SLC1A1: variants seen among roughly 807,000 people sequenced by gnomAD.
SLC1A1 encodes the protein excitatory amino acid transporter 3.
In SLC1A1, 43 loss-of-function variants were observed where a neutral mutation model predicts 53.3. The ratio of observed to expected loss-of-function variants is 0.81; its 90% confidence interval spans 0.63 to 1.04. The LOEUF (loss-of-function observed/expected upper bound fraction) is 1.04, where lower values mean the gene tolerates loss of function less well. Among genes scored for constraint, SLC1A1 ranks in the 50% least tolerant of loss-of-function variants. The pLI is 0.00. For synonymous variants in SLC1A1, 307 were observed against 243.2 expected, an observed-to-expected ratio of 1.26 and a Z score of -2.44; for missense variants, 748 against 664.9, an observed-to-expected ratio of 1.12 and a Z score of -1.37.
At chr9:4,544,740 G>A in intron 2 of SLC1A1, 33 bp downstream of exon 2, 1 of 1,574,552 alleles carries the variant, frequency 6.4e-7, no homozygotes, top group South Asian at 1.1e-5. Flanking sequence ...CTCTATATTA[G>A]TCCATTTTCA....
chr9:4,536,618 T>G (rs1816684403), intron 1 of SLC1A1, among the ~76,000 whole-genome samples: 1 of 152,192 alleles, frequency 6.6e-6, no homozygotes. Context: ...GTTCAACCAT[T>G]GTGGAAGTCA....
At position 4,538,522 on chromosome 9, in the gene SLC1A1, C is replaced by G. The variant is rs908898709; in HGVS notation, c.92-6045C>G. ...GGGGCTCCAAGATTTATTTTCCTTT[C>G]ACAGCTGCAATATATAAGGAAAAAT... On this transcript the variant is annotated intron_variant, in intron 1 of 11. Transcript: ENST00000262352. Among the ~76,000 whole-genome samples the G allele has an allele frequency of 2.2e-4, 33 of 152,132 alleles. 1 individual carries two copies. The highest frequency in any genetic ancestry group is 2.6e-4 in the Admixed American group (4 of 15,264).
chr9:4,494,089 C>T (rs573598440), intron 1 of SLC1A1, among the ~76,000 whole-genome samples: 33 of 152,338 alleles, frequency 2.2e-4, no homozygotes, highest in Middle Eastern at 3.4e-3. Context: ...GGAAAATCCT[C>T]TGCTAAAATA....
chr9:4,511,495 A>T (rs529293940), intron 1 of SLC1A1, among the ~76,000 whole-genome samples: 1 of 152,220 alleles, frequency 6.6e-6, no homozygotes, highest in African/African-American at 2.4e-5. Flanking sequence ...TTGAAGGAGG[A>T]CATACACATT....
At chr9:4,577,459 G>T (rs572558123) in intron 10 of SLC1A1, among the ~76,000 whole-genome samples, 2 of 152,252 alleles carry the variant, frequency 1.3e-5, no homozygotes, top group African/African-American at 4.8e-5. Context: ...TCATATTATG[G>T]ACAGATTTGC....
intron 1 of SLC1A1, among the ~76,000 whole-genome samples, chr9:4,519,869 G>A: frequency 6.6e-6 from 1 of 152,184 alleles, no homozygotes; most frequent in Non-Finnish European, 1.5e-5. Context: ...GTCCTCCACA[G>A]AGCTTAGCAA....
At chr9:4,505,619 T>C (rs1258837147) in intron 1 of SLC1A1, among the ~76,000 whole-genome samples, 1 of 152,202 alleles carries the variant, frequency 6.6e-6, no homozygotes, top group East Asian at 1.9e-4. Flanking sequence ...GAGGAAGACA[T>C]TTTTAATTAC....
At chr9:4,528,224 G>A (rs1051213050) in intron 1 of SLC1A1, among the ~76,000 whole-genome samples, 1 of 152,132 alleles carries the variant, frequency 6.6e-6, no homozygotes, top group Non-Finnish European at 1.5e-5. Context: ...CTTCTCACAA[G>A]AAGATACTTC....
intron 2 of SLC1A1, among the ~76,000 whole-genome samples, chr9:4,554,719 A>AT (rs1023246701): frequency 1.3e-5 from 2 of 152,068 alleles, no homozygotes; most frequent in Non-Finnish European, 2.9e-5. Context: ...CAAGGTAAGG[A>AT]TTTTTTCTTT....
intron 1 of SLC1A1, among the ~76,000 whole-genome samples, chr9:4,498,073 A>G (rs1459119727): frequency 6.6e-6 from 1 of 152,218 alleles, no homozygotes; most frequent in Non-Finnish European, 1.5e-5. Context: ...CTTGGGTTAT[A>G]AAACCTCTGA....
chr9:4,551,180 C>A (rs1729123205), intron 2 of SLC1A1, among the ~76,000 whole-genome samples: 1 of 152,134 alleles, frequency 6.6e-6, no homozygotes, highest in Non-Finnish European at 1.5e-5. Flanking sequence ...GGCTTTACAG[C>A]AGATGACACA....
intron 1 of SLC1A1, among the ~76,000 whole-genome samples, chr9:4,516,942 C>G (rs747813292): frequency 6.6e-6 from 1 of 152,164 alleles, no homozygotes; most frequent in Non-Finnish European, 1.5e-5. Flanking sequence ...TGACTGAACA[C>G]ACTCTTATCA....
At chr9:4,580,800 G>C (rs1821027537) in intron 10 of SLC1A1, among the ~76,000 whole-genome samples, 1 of 152,136 alleles carries the variant, frequency 6.6e-6, no homozygotes, top group African/African-American at 2.4e-5. Context: ...AATAATACCA[G>C]TGGCAGCAGC....
intron 2 of SLC1A1, chr9:4,553,530 C>T (rs1818118788): frequency 6.6e-6 from 1 of 152,266 alleles, no homozygotes; most frequent in South Asian, 2.1e-4. Context: ...CCACCACCGG[C>T]TAATTTTTGT....
intron 2 of SLC1A1, among the ~76,000 whole-genome samples, chr9:4,558,994 T>C (rs769396411): frequency 2.0e-5 from 3 of 152,230 alleles, no homozygotes; most frequent in Non-Finnish European, 4.4e-5. Context: ...AACAGGCACA[T>C]ATTTTATAAT....
intron 1 of SLC1A1, among the ~76,000 whole-genome samples, chr9:4,531,252 G>C (rs2130852674): frequency 6.6e-6 from 1 of 152,328 alleles, no homozygotes. Flanking sequence ...CCGAAGCAGG[G>C]CGAGGCATCG....
At chr9:4,565,943 C>G (rs190969328) in intron 4 of SLC1A1, 104 bp from the exon 5 acceptor site, 1 of 903,140 alleles carries the variant, frequency 1.1e-6, no homozygotes, top group Admixed American at 1.7e-5. Context: ...AGAAGAGAAA[C>G]CAGAGTACTA....
At chr9:4,502,216 A>C (rs1820655680) in intron 1 of SLC1A1, among the ~76,000 whole-genome samples, 1 of 150,966 alleles carries the variant, frequency 6.6e-6, no homozygotes, top group African/African-American at 2.5e-5. Context: ...GTGACACCTC[A>C]TCTCTACAAA....
intron 1 of SLC1A1, among the ~76,000 whole-genome samples, chr9:4,530,025 G>A (rs908627194): frequency 2.0e-5 from 3 of 152,160 alleles, no homozygotes; most frequent in South Asian, 2.1e-4. Context: ...GGCTGAGAGA[G>A]TAACTTGAAT....
Sources: allele counts gnomAD v4.1 joint callset (sites outside exome capture counted in the v4.1 genomes callset), GRCh38; gene constraint gnomAD v4.1.1; transcripts MANE v1.5; gene names NCBI Gene and HGNC (gene_info 2026-07-23, HGNC 2026-07-21).